Variants in ZDHHC3 observed in about 807,000 individuals in gnomAD.
ZDHHC3 encodes palmitoyltransferase ZDHHC3.
Under a neutral mutation model 30.6 loss-of-function variants are expected in ZDHHC3, and 9 were observed. The ratio of observed to expected loss-of-function variants is 0.29; its 90% confidence interval spans 0.18 to 0.51. ZDHHC3 has a LOEUF of 0.51. ZDHHC3 is among the 20% of genes least tolerant of loss of function. The pLI is 0.97. For missense variants in ZDHHC3, 246 were observed against 384.2 expected, an observed-to-expected ratio of 0.64 and a Z score of 3.01; for synonymous variants, 136 against 140.2, an observed-to-expected ratio of 0.97 and a Z score of 0.21.
chr3:44,943,576 G>A (rs957629787), intron 3 of ZDHHC3, among the ~76,000 whole-genome samples: 20 of 152,294 alleles, frequency 1.3e-4, no homozygotes, highest in African/African-American at 4.3e-4. Context: ...AAATGTCTCC[G>A]CAGGCTAAGC....
In ZDHHC3 at chr3:44,918,235, G is replaced by C. The variant is rs1017206047; in HGVS notation, c.*8454C>G. ...CCCCAGCTATAGCATAGCAGTGGCG[G>C]GGGGGGGGGCGGGGTGTCCACGGCA... On this transcript the variant is annotated 3_prime_UTR_variant, in exon 7 of 7. Transcript: ENST00000424952. 4.2e-5 allele frequency: 4 copies of C among 94,196 alleles called. No homozygotes were observed. The highest frequency in any genetic ancestry group is 1.1e-3 in the Admixed American group (2 of 1,756). The allele number at this position is 94,196 out of a possible 1,614,324, so 5.8% of individuals were successfully genotyped here.
chr3:44,926,920 C>T (rs889984942), intron 6 of ZDHHC3, 73 bp from the exon 7 acceptor site: 66 of 1,500,508 alleles, frequency 4.4e-5, no homozygotes, highest in Non-Finnish European at 5.3e-5. Context: ...ATGTCCGCAG[C>T]GACAGGTGAA....
Position 44,920,638 on chromosome 3 carries a change from G to A in ZDHHC3, c.*6051C>T. The A allele has an allele frequency of 2.0e-6, 2 of 985,362 alleles. No homozygotes were observed. Among genetic ancestry groups the A allele is most frequent in the Non-Finnish European group, 2.4e-6 (2 of 829,924 alleles). 61.0% of individuals were successfully genotyped at this position (985,362 alleles called of 1,614,324 possible). ...TAGTGTCTTTTTTTCTGCCCAACAG[G>A]TTTCCAGTTCTACTGCAAATCACCA... On this transcript the variant is annotated 3_prime_UTR_variant, in exon 7 of 7. Transcript: ENST00000424952.
In ZDHHC3 at chr3:44,926,342, A is replaced by G; in HGVS notation, c.*347T>C. ...TGTCCAGACTATTCCATCCACGCAC[A>G]GCGTCATGTCTCACTCAGTTAGTAG... On this transcript the variant is annotated 3_prime_UTR_variant, in exon 7 of 7. Transcript: ENST00000424952. 1 of 1,010,634 alleles carries G rather than the reference A, an allele frequency of 9.9e-7. No homozygotes were observed. Among genetic ancestry groups the G allele is most frequent in the Non-Finnish European group, 1.2e-6 (1 of 847,174 alleles). 62.6% of individuals were successfully genotyped at this position (1,010,634 alleles called of 1,614,324 possible).
chr3:44,925,781 T>C lies in ZDHHC3; in HGVS notation c.*908A>G, dbSNP rs768674561. 3.9e-5 allele frequency: 38 copies of C among 985,734 alleles called. No homozygotes were observed. The highest frequency in any genetic ancestry group is 4.7e-5 in the South Asian group (1 of 21,292). The allele number at this position is 985,734 out of a possible 1,614,324, so 61.1% of individuals were successfully genotyped here. ...TGAGAAGGGGATGATGGTGGGGCTGTATGTGTTGGGCACTGGTGCCTATTG... is the reference window on the plus strand; with the variant it reads ...TGAGAAGGGGATGATGGTGGGGCTGCATGTGTTGGGCACTGGTGCCTATTG... On this transcript the variant is annotated 3_prime_UTR_variant, in exon 7 of 7. Transcript: ENST00000424952.
chr3:44,946,576 G>A (rs1023805580), intron 2 of ZDHHC3, among the ~76,000 whole-genome samples: 2 of 152,178 alleles, frequency 1.3e-5, no homozygotes, highest in Non-Finnish European at 2.9e-5. Context: ...TGTGTTGAGG[G>A]AGCACAGAGG....
Position 44,918,783 on chromosome 3 carries a change from G to A in ZDHHC3, c.*7906C>T. The A allele has an allele frequency of 1.0e-6, 1 of 986,962 alleles. No individual in the cohort carries two copies. Among genetic ancestry groups the A allele is most frequent in the Non-Finnish European group, 1.2e-6 (1 of 830,990 alleles). 61.1% of individuals were successfully genotyped at this position (986,962 alleles called of 1,614,324 possible). A position where few individuals can be genotyped will look rare whatever the true frequency, so the allele number is the denominator to read the frequency against. ...TCCACCCTGCAGCCTCTTCCAAGCTGTCAACTCACCTGCCTCTGGGTGTCG... is the reference window on the plus strand; with the variant it reads ...TCCACCCTGCAGCCTCTTCCAAGCTATCAACTCACCTGCCTCTGGGTGTCG... On this transcript the variant is annotated 3_prime_UTR_variant, in exon 7 of 7. Transcript: ENST00000424952.
At chr3:44,952,725 C>G (rs1703576411) in intron 2 of ZDHHC3, among the ~76,000 whole-genome samples, 1 of 152,232 alleles carries the variant, frequency 6.6e-6, no homozygotes, top group Non-Finnish European at 1.5e-5. Flanking sequence ...CTCACCCGCT[C>G]CAACTTGCCA....
chr3:44,938,587 T>C (rs953405264), intron 3 of ZDHHC3: 1 of 152,330 alleles, frequency 6.6e-6, no homozygotes, highest in Non-Finnish European at 1.5e-5. Context: ...TCCTCTCCAC[T>C]AGCTTCTATA....
intron 2 of ZDHHC3, among the ~76,000 whole-genome samples, chr3:44,947,214 G>C (rs150775505): frequency 2.5e-3 from 376 of 152,328 alleles, no homozygotes; most frequent in African/African-American, 7.2e-3. Context: ...ACCATTAAGA[G>C]AGCAGAAGGA....
chr3:44,920,619 C>CT lies in ZDHHC3; in HGVS notation c.*6069dup. 7 of 985,374 alleles carry CT rather than the reference C, an allele frequency of 7.1e-6. No homozygotes were observed. The highest frequency in any genetic ancestry group is 8.4e-6 in the Non-Finnish European group (7 of 829,916). 61.0% of individuals were successfully genotyped at this position (985,374 alleles called of 1,614,324 possible). The stretch of plus-strand genomic sequence containing the variant: ...TCAGAACTGGAACCAGAACTAGTGT[C>CT]TTTTTTTCTGCCCAACAGGTTTCCA... On this transcript the variant is annotated 3_prime_UTR_variant, in exon 7 of 7. Coordinates refer to ENST00000424952, the MANE Select transcript of ZDHHC3 (RefSeq NM_001135179.2).
chr3:44,926,729 G>C lies in ZDHHC3; in HGVS notation c.860C>G (p.Pro287Arg). 6.2e-7 allele frequency: 1 copy of C among 1,613,436 alleles called. No individual in the cohort carries two copies. The highest frequency in any genetic ancestry group is 8.5e-7 in the Non-Finnish European group (1 of 1,179,858). Residue 287 changes from proline (P) to arginine (R), a missense_variant, in exon 7 of 7, where the codon CCA (proline) becomes CGA (arginine). Pro to Arg is a moderately radical substitution (Grantham distance 103). Transcript: ENST00000424952. ...SLGWASPFATPDQGKADPYQY... is the reference protein window; with the variant it reads ...SLGWASPFATRDQGKADPYQY... ...GTACGGGTCTGCCTTCCCTTGGTCT[G>C]GCGTGGCAAAGGGGCTGGCCCAGCC...
At chr3:44,949,713 G>A (rs908937767) in intron 2 of ZDHHC3, among the ~76,000 whole-genome samples, 7 of 152,220 alleles carry the variant, frequency 4.6e-5, no homozygotes, top group Admixed American at 4.6e-4. Flanking sequence ...GGTCTGGAAG[G>A]TTTCATGAAG....
At chr3:44,935,269 T>A (rs1701852319) in intron 3 of ZDHHC3, among the ~76,000 whole-genome samples, 1 of 152,166 alleles carries the variant, frequency 6.6e-6, no homozygotes, top group Non-Finnish European at 1.5e-5. Context: ...TCGAGATAAA[T>A]AATTACCTTT....
intron 5 of ZDHHC3, among the ~76,000 whole-genome samples, chr3:44,931,200 T>C (rs1462355237): frequency 4.6e-5 from 7 of 152,182 alleles, no homozygotes; most frequent in Non-Finnish European, 8.8e-5. Context: ...TACAGGGGAA[T>C]ACTTAAGAAT....
At chr3:44,949,990 C>T (rs966981550) in intron 2 of ZDHHC3, among the ~76,000 whole-genome samples, 7 of 152,150 alleles carry the variant, frequency 4.6e-5, no homozygotes. Context: ...CACAAGCCAC[C>T]ATGTCCAGCT....
chr3:44,932,839 C>G lies in ZDHHC3; in HGVS notation c.610+279G>C. ...GCATTGGAACCGGCCTCTGTGCTTGCTTGGGGCCTGCATTCTCCCTGGGCA... is the reference window on the plus strand; with the variant it reads ...GCATTGGAACCGGCCTCTGTGCTTGGTTGGGGCCTGCATTCTCCCTGGGCA... On this transcript the variant is annotated intron_variant, in intron 5 of 6. Coordinates refer to ENST00000424952, the MANE Select transcript of ZDHHC3 (RefSeq NM_001135179.2). The G allele has an allele frequency of 3.3e-6, 5 of 1,510,524 alleles. No homozygotes were observed. The South Asian group carries it at 3.4e-5, about 10-fold the overall frequency. The allele number at this position is 1,510,524 out of a possible 1,614,324, so 93.6% of individuals were successfully genotyped here.
chr3:44,944,293 T>A (rs949358176), intron 3 of ZDHHC3, among the ~76,000 whole-genome samples: 2 of 152,178 alleles, frequency 1.3e-5, no homozygotes, highest in East Asian at 3.9e-4. Context: ...ATTACAGGCA[T>A]GTGCCACCAC....
chr3:44,968,530 A>G (rs1390447244), intron 1 of ZDHHC3, among the ~76,000 whole-genome samples: 1 of 152,166 alleles, frequency 6.6e-6, no homozygotes, highest in African/African-American at 2.4e-5. Flanking sequence ...CCTCATCTCT[A>G]CAAAAATCTT....
Sources: allele counts gnomAD v4.1 joint callset (sites outside exome capture counted in the v4.1 genomes callset), GRCh38; gene constraint gnomAD v4.1.1; transcripts MANE v1.5; gene names NCBI Gene and HGNC (gene_info 2026-07-23, HGNC 2026-07-21).